The following IDE variants were observed in gnomAD, a reference collection of about 807,000 sequenced individuals.
IDE encodes insulin degrading enzyme.
IDE carries 58 observed loss-of-function variants against 133.2 expected under a neutral mutation model. The ratio of observed to expected loss-of-function variants is 0.44; its 90% CI spans 0.35 to 0.54. IDE has a LOEUF of 0.54. Among genes scored for constraint, IDE ranks in the 20% least tolerant of loss-of-function variants. The probability of loss-of-function intolerance (pLI) is 0.00; values close to 1 mark genes in which losing one functional copy is unlikely to be tolerated. For synonymous variants in IDE, 396 were observed against 421.3 expected (o/e 0.94, Z 0.73); for missense variants, 981 against 1,234.0 (o/e 0.79, Z 3.07).
chr10:92,473,325 CAAT>C (rs1846076839), intron 17 of IDE, among the ~76,000 whole-genome samples: 1 of 151,830 alleles, frequency 6.6e-6, no homozygotes, highest in Non-Finnish European at 1.5e-5. Context: ...AAATCTAAAA[CAAT>C]AATAAAGGGT....
At chr10:92,520,249 T>C (rs921009255) in intron 4 of IDE, among the ~76,000 whole-genome samples, 2 of 152,216 alleles carry the variant, frequency 1.3e-5, no homozygotes, top group African/African-American at 2.4e-5. Flanking sequence ...ATCCAGTAAG[T>C]GCTACTTTAT....
intron 6 of IDE, among the ~76,000 whole-genome samples, chr10:92,509,385 G>C (rs1175150468): frequency 6.6e-6 from 1 of 152,056 alleles, no homozygotes; most frequent in Non-Finnish European, 1.5e-5. Flanking sequence ...CTGAGGTCAG[G>C]AGTTCGACCT....
chr10:92,564,917 C>G (rs1843459792), intron 1 of IDE, among the ~76,000 whole-genome samples: 1 of 151,530 alleles, frequency 6.6e-6, no homozygotes, highest in South Asian at 2.1e-4. Context: ...CTGGGCATAA[C>G]AAAGCAACAG....
chr10:92,504,369 T>C lies in IDE; in HGVS notation c.1430+425A>G, dbSNP rs559814397. Among the ~76,000 whole-genome samples, 25 of 152,304 alleles carry C rather than the reference T, an allele frequency of 1.6e-4. 1 individual carries two copies. The South Asian group carries it at 4.6e-3, about 28-fold the overall frequency. On this transcript the variant is annotated intron_variant, in intron 11 of 24. Transcript: ENST00000265986. ...CTGGTCAATCAGGAGGATTCTGAGA[T>C]TGTAATCTTTACTGTGGCTTAAGAA... is the stretch of plus-strand genomic sequence containing the variant.
chr10:92,539,847 C>T (rs1241938597), intron 1 of IDE, among the ~76,000 whole-genome samples: 2 of 152,030 alleles, frequency 1.3e-5, no homozygotes, highest in African/African-American at 4.8e-5. Flanking sequence ...TATCTGAGTG[C>T]CAAGTCTAAA....
intron 6 of IDE, among the ~76,000 whole-genome samples, chr10:92,509,134 T>C (rs1045654788): frequency 6.6e-5 from 10 of 152,244 alleles, no homozygotes; most frequent in African/African-American, 2.4e-4. Flanking sequence ...TTAATGGTTT[T>C]GAATGCTTAT....
At chr10:92,465,030 C>T (rs543850869) in intron 20 of IDE, among the ~76,000 whole-genome samples, 1 of 152,188 alleles carries the variant, frequency 6.6e-6, no homozygotes. Context: ...CCTTTACAGG[C>T]CTGCCATCCT....
chr10:92,512,014 T>C (rs1271206541), intron 5 of IDE, among the ~76,000 whole-genome samples: 2 of 152,306 alleles, frequency 1.3e-5, no homozygotes, highest in South Asian at 2.1e-4. Flanking sequence ...CTAAACACTA[T>C]TGCACAGTCT....
chr10:92,505,663 T>C (rs968566622), intron 10 of IDE, among the ~76,000 whole-genome samples: 2 of 152,186 alleles, frequency 1.3e-5, no homozygotes, highest in African/African-American at 4.8e-5. Flanking sequence ...GGCATTATTT[T>C]AGATTGGGAG....
At chr10:92,531,568 G>T (rs79347895) in intron 4 of IDE, among the ~76,000 whole-genome samples, 180 bp downstream of exon 4, 6,506 of 152,290 alleles carry the variant, frequency 0.043, 170 homozygotes, top group Middle Eastern at 0.079. Context: ...TGAACAGGAT[G>T]TAAGTAGAAA....
At position 92,464,219 on chromosome 10, in the gene IDE, C is replaced by T. The variant is rs145959599; in HGVS notation, c.2489-216G>A. 2.1e-3 allele frequency among the ~76,000 whole-genome samples: 320 copies of T among 152,184 alleles called. 2 individuals carry two copies. Among genetic ancestry groups the T allele is most frequent in the African/African-American group, 7.3e-3 (304 of 41,536 alleles). ...ATTACAAAGTTGGAGATGACTTTTT[C>T]TTCTTCTTAGGAAAAAAATCCTATT... On this transcript the variant is annotated intron_variant, in intron 20 of 24. Transcript: ENST00000265986.
chr10:92,463,015 T>C (rs1042066505), intron 21 of IDE, among the ~76,000 whole-genome samples: 7 of 152,192 alleles, frequency 4.6e-5, no homozygotes, highest in Admixed American at 1.3e-4. Flanking sequence ...TGAGCTATGA[T>C]GACACACTGT....
At chr10:92,557,851 G>A (rs1483566630) in intron 1 of IDE, among the ~76,000 whole-genome samples, 2 of 133,214 alleles carry the variant, frequency 1.5e-5, no homozygotes, top group Admixed American at 8.6e-5. Flanking sequence ...CTACAACCTG[G>A]GCAACAGAGC....
chr10:92,570,780 G>A (rs1018363684), intron 1 of IDE, among the ~76,000 whole-genome samples: 1 of 151,836 alleles, frequency 6.6e-6, no homozygotes, highest in African/African-American at 2.4e-5. Flanking sequence ...TTGTGGGGTG[G>A]TGGCATGAGC....
chr10:92,516,935 G>A (rs74151641), intron 4 of IDE, among the ~76,000 whole-genome samples: 2,250 of 152,298 alleles, frequency 0.015, 50 homozygotes, highest in African/African-American at 0.051. Flanking sequence ...GGGACTGGGA[G>A]ATGAAATTCC....
At chr10:92,524,245 C>A (rs901612940) in intron 4 of IDE, among the ~76,000 whole-genome samples, 1 of 133,154 alleles carries the variant, frequency 7.5e-6, no homozygotes, top group Non-Finnish European at 1.5e-5. Flanking sequence ...GTGGAGGTTA[C>A]GGTAAGCTGA....
At chr10:92,464,033 C>A (rs749201456) in intron 20 of IDE, 30 bp from the exon 21 acceptor site, 2 of 1,587,008 alleles carry the variant, frequency 1.3e-6, no homozygotes, top group Admixed American at 1.8e-5. Context: ...CAGTCATGAC[C>A]GTGGCATTTG....
At chr10:92,455,697 G>T in intron 23 of IDE, 54 bp from the exon 24 acceptor site, 5 of 812,980 alleles carry the variant, frequency 6.2e-6, no homozygotes, top group East Asian at 2.9e-5. Context: ...TATCACAAAA[G>T]AACAAAAAAA....
chr10:92,475,063 T>A, intron 16 of IDE, 102 bp from the exon 17 acceptor site: 1 of 822,328 alleles, frequency 1.2e-6, no homozygotes, highest in East Asian at 2.8e-5. Context: ...ACTGTATTAC[T>A]AGGATATTCC....
Sources: allele counts gnomAD v4.1 joint callset (sites outside exome capture counted in the v4.1 genomes callset), GRCh38; gene constraint gnomAD v4.1.1; transcripts MANE v1.5; gene names NCBI Gene and HGNC (gene_info 2026-07-23, HGNC 2026-07-21).